Variants in KDM3A observed in about 807,000 individuals in gnomAD.
KDM3A encodes lysine demethylase 3A.
In KDM3A, 60 loss-of-function variants were observed where a neutral mutation model predicts 158.0. The ratio of observed to expected loss-of-function variants is 0.38; its 90% CI spans 0.31 to 0.47. The LOEUF is 0.47. Ranked by LOEUF, KDM3A falls within the 20% of genes least tolerant of loss-of-function variation. KDM3A has a pLI of 0.99. For synonymous variants in KDM3A, 608 were observed against 549.3 expected (o/e 1.11, Z -1.49); for missense variants, 1,319 against 1,574.3 (o/e 0.84, Z 2.74).
chr2:86,460,596 A>C (rs889358199), intron 8 of KDM3A, among the ~76,000 whole-genome samples: 5 of 152,192 alleles, frequency 3.3e-5, no homozygotes, highest in African/African-American at 1.2e-4. Context: ...CTTTTGGTTA[A>C]GATAAACCTG....
upstream of KDM3A, among the ~76,000 whole-genome samples, chr2:86,439,548 C>A (rs1682570462): frequency 6.6e-6 from 1 of 152,054 alleles, no homozygotes; most frequent in Non-Finnish European, 1.5e-5. Context: ...TATGTTCCTT[C>A]AGGTTCAATA....
intron 9 of KDM3A, 66 bp downstream of exon 9, chr2:86,464,282 T>G: frequency 1.7e-6 from 2 of 1,182,066 alleles, no homozygotes; most frequent in Non-Finnish European, 2.3e-6. Context: ...CATGGCTCAT[T>G]GTTTTTATCC....
At chr2:86,443,801 A>C (rs1682842928) in intron 2 of KDM3A, among the ~76,000 whole-genome samples, 1 of 152,070 alleles carries the variant, frequency 6.6e-6, no homozygotes, top group Non-Finnish European at 1.5e-5. Context: ...ATGTTTATAG[A>C]GATAATATAT....
chr2:86,467,860 A>G (rs533561069), intron 10 of KDM3A, among the ~76,000 whole-genome samples: 1 of 152,240 alleles, frequency 6.6e-6, no homozygotes, highest in East Asian at 1.9e-4. Context: ...ATCTCCACAA[A>G]AAATTTTTTT....
intron 8 of KDM3A, 80 bp downstream of exon 8, chr2:86,457,151 A>C (rs1338569061): frequency 1.2e-5 from 6 of 512,200 alleles, no homozygotes; most frequent in African/African-American, 4.0e-5. Flanking sequence ...TTTATTATTT[A>C]TTTAATTATT....
intron 16 of KDM3A, 148 bp downstream of exon 16, chr2:86,480,510 A>T: frequency 1.5e-6 from 1 of 677,642 alleles, no homozygotes; most frequent in Non-Finnish European, 2.4e-6. Context: ...AGTGTTTTTG[A>T]AATGCAGCAC....
Position 86,484,088 on chromosome 2 carries a change from T to C in KDM3A, c.3024T>C (p.Asn1008=). Reference sequence around the variant, plus strand: ...GTGAGCAGGAAGTAGACCTAGTTAATTGTAGGACCAATGAAATCATCACAG... The same window carrying C: ...GTGAGCAGGAAGTAGACCTAGTTAACTGTAGGACCAATGAAATCATCACAG... ...EFGEQEVDLV[N]CRTNEIITGA... The change falls in exon 19 of 26, where the codon AAT becomes AAC. Residue 1008 remains asparagine (N), a synonymous_variant. Transcript: ENST00000312912. 1.9e-6 allele frequency: 3 copies of C among 1,613,970 alleles called. No homozygotes were observed. The East Asian group carries it at 6.7e-5, about 36-fold the overall frequency.
upstream of KDM3A, among the ~76,000 whole-genome samples, chr2:86,438,709 C>G (rs1194510098): frequency 6.6e-6 from 1 of 151,982 alleles, no homozygotes; most frequent in Non-Finnish European, 1.5e-5. Flanking sequence ...TTGTCTTTGA[C>G]TAATACCCCT....
chr2:86,491,995 A>T, intron 25 of KDM3A, 44 bp from the exon 26 acceptor site: 1 of 1,284,362 alleles, frequency 7.8e-7, no homozygotes, highest in Non-Finnish European at 1.1e-6. Context: ...GACAGGTTTT[A>T]GATTTAAATG....
intron 2 of KDM3A, among the ~76,000 whole-genome samples, chr2:86,449,047 A>G (rs988890441): frequency 5.9e-5 from 9 of 152,216 alleles, no homozygotes; most frequent in African/African-American, 2.2e-4. Context: ...GTCTTTAAAT[A>G]TGTATACAGG....
At chr2:86,474,678 A>G in intron 11 of KDM3A, 98 bp from the exon 12 acceptor site, 1 of 704,752 alleles carries the variant, frequency 1.4e-6, no homozygotes, top group Non-Finnish European at 2.2e-6. Context: ...AAAAAAAAAA[A>G]GTAATTACAA....
chr2:86,463,998 ATTAT>A, intron 8 of KDM3A, 51 bp from the exon 9 acceptor site: 2 of 1,301,890 alleles, frequency 1.5e-6, no homozygotes, highest in Non-Finnish European at 2.1e-6. Flanking sequence ...GTAGCATTTT[ATTAT>A]TTCCTAACTA....
At chr2:86,461,800 G>C (rs768227119) in intron 8 of KDM3A, among the ~76,000 whole-genome samples, 2 of 152,108 alleles carry the variant, frequency 1.3e-5, no homozygotes, top group African/African-American at 2.4e-5. Flanking sequence ...GAGATAACAA[G>C]TACAAAGGCC....
chr2:86,464,296 GTTGT>G, intron 9 of KDM3A, 80 bp downstream of exon 9: 4 of 1,102,978 alleles, frequency 3.6e-6, no homozygotes, highest in Non-Finnish European at 4.9e-6. Flanking sequence ...TTTATCCCTG[GTTGT>G]CCAGGGAGGT....
intron 8 of KDM3A, among the ~76,000 whole-genome samples, chr2:86,460,624 G>A (rs1348900317): frequency 6.6e-6 from 1 of 152,136 alleles, no homozygotes; most frequent in African/African-American, 2.4e-5. Context: ...GTGATACCTG[G>A]CTCCTTGAAG....
intron 15 of KDM3A, chr2:86,479,848 T>C (rs938272927): frequency 1.2e-5 from 3 of 252,018 alleles, no homozygotes; most frequent in Admixed American, 5.5e-5. Context: ...GATGAGTTCA[T>C]AGGGGAGACA....
chr2:86,454,047 C>A (rs1672584441), intron 4 of KDM3A, among the ~76,000 whole-genome samples: 1 of 152,206 alleles, frequency 6.6e-6, no homozygotes, highest in Non-Finnish European at 1.5e-5. Context: ...AAGAATGGAG[C>A]TGCTGCCAAG....
Position 86,474,767 on chromosome 2 carries a change from T to C in KDM3A, c.1725-9T>C, listed in dbSNP as rs1221028796. 3 of 1,473,478 alleles carry C rather than the reference T, an allele frequency of 2.0e-6. No homozygotes were observed. The highest frequency in any genetic ancestry group is 2.8e-6 in the Non-Finnish European group (3 of 1,068,848). 91.3% of individuals were successfully genotyped at this position (1,473,478 alleles called of 1,614,324 possible). A position where few individuals can be genotyped will look rare whatever the true frequency, so the allele number is the denominator to read the frequency against. Reference sequence around the variant, plus strand: ...TACATTACATCTTTTTTTCCCCTGCTTCCCCTAGGTTACAATTCAACAAAC... The same window carrying C: ...TACATTACATCTTTTTTTCCCCTGCCTCCCCTAGGTTACAATTCAACAAAC... On this transcript the variant is annotated splice_polypyrimidine_tract_variant and intron_variant, in intron 11 of 25. Transcript: ENST00000312912.
chr2:86,482,102 G>A lies in KDM3A; in HGVS notation c.2685G>A (p.Lys895=). 1 of 1,612,718 alleles carries A rather than the reference G, an allele frequency of 6.2e-7. No homozygotes were observed. Among genetic ancestry groups the A allele is most frequent in the Admixed American group, 1.7e-5 (1 of 59,928 alleles). The change falls in exon 17 of 26, where the codon AAG becomes AAA. Residue 895 remains lysine, a splice_region_variant and synonymous_variant. Coordinates refer to ENST00000312912, the MANE Select transcript of KDM3A (RefSeq NM_018433.6). ...LRNLLNSSTG[K]TENGLKNTPK... Reference sequence around the variant, plus strand: ...ATCTCTTGAATTCTTCTACAGGAAAGGTATGTGTTTGTTTGTTGGTATTCC... The same window carrying A: ...ATCTCTTGAATTCTTCTACAGGAAAAGTATGTGTTTGTTTGTTGGTATTCC...
Sources: gnomAD v4.1 joint callset for allele counts (sites outside exome capture counted in the v4.1 genomes callset) on GRCh38, gnomAD v4.1.1 for gene constraint, MANE v1.5 for transcripts, NCBI Gene and HGNC (gene_info 2026-07-23, HGNC 2026-07-21) for gene names.